The following PTCH1 variants were observed in gnomAD, a reference collection of about 807,000 sequenced individuals.
PTCH1 encodes patched 1.
In PTCH1, 14 loss-of-function variants were observed where a neutral mutation model predicts 144.6. The observed-to-expected ratio is 0.10, with a 90% CI of 0.06 to 0.15. PTCH1 has a LOEUF of 0.15. PTCH1 is among the 10% of genes least tolerant of loss of function. PTCH1 has a pLI of 1.00. For synonymous variants in PTCH1, 833 were observed against 793.6 expected (o/e 1.05, Z -0.83); for missense variants, 1,623 against 1,948.3 (o/e 0.83, Z 3.14).
At chr9:95,457,933 A>G in intron 18 of PTCH1, 80 bp downstream of exon 18, 2 of 1,568,996 alleles carry the variant, frequency 1.3e-6, no homozygotes, top group Non-Finnish European at 8.8e-7. Flanking sequence ...AGGCCCAGAC[A>G]TAAACAAAAC....
intron 8 of PTCH1, among the ~76,000 whole-genome samples, 177 bp downstream of exon 8, chr9:95,478,823 G>A (rs572398909): frequency 1.2e-4 from 19 of 152,116 alleles, no homozygotes; most frequent in Non-Finnish European, 2.5e-4. Context: ...TAGTCTTTTA[G>A]ATATTATCCC....
Position 95,447,188 on chromosome 9 carries a change from G to T in PTCH1, c.4068C>A (p.Ala1356=). 2 of 1,613,030 alleles carry T rather than the reference G, an allele frequency of 1.2e-6. No individual in the cohort carries two copies. The highest frequency in any genetic ancestry group is 1.7e-6 in the Non-Finnish European group (2 of 1,179,914). ...SHNPRNPAST[A]MGSSVPGYCQ... is the part of the protein sequence containing the mutation. Reference sequence around the variant, plus strand: ...AGTAGCCGGGCACGGAGCTGCCCATGGCAGTGGACGCTGGGTTCCGAGGGT... The same window carrying T: ...AGTAGCCGGGCACGGAGCTGCCCATTGCAGTGGACGCTGGGTTCCGAGGGT... The change falls in exon 23 of 24, where the codon GCC becomes GCA. Residue 1356 remains alanine (A), a synonymous_variant. Coordinates refer to ENST00000331920, the MANE Select transcript of PTCH1 (RefSeq NM_000264.5).
intron 15 of PTCH1, 150 bp from the exon 16 acceptor site, chr9:95,462,148 G>A (rs1329721966): frequency 2.2e-6 from 2 of 898,508 alleles, no homozygotes; most frequent in Admixed American, 1.9e-5. Flanking sequence ...CACTTTGACT[G>A]AAAGCACTGG....
At chr9:95,502,179 C>G (rs986275964) in intron 2 of PTCH1, among the ~76,000 whole-genome samples, 1 of 152,232 alleles carries the variant, frequency 6.6e-6, no homozygotes, top group African/African-American at 2.4e-5. Flanking sequence ...CCTACCCTCT[C>G]CCCTCCAGCC....
At chr9:95,501,159 T>C (rs1843124815) in intron 2 of PTCH1, among the ~76,000 whole-genome samples, 1 of 152,150 alleles carries the variant, frequency 6.6e-6, no homozygotes, top group Admixed American at 6.5e-5. Flanking sequence ...CTTTTTATCA[T>C]CTAAACCAGT....
chr9:95,510,528 A>G (rs1289402121), upstream of PTCH1, among the ~76,000 whole-genome samples: 2 of 152,114 alleles, frequency 1.3e-5, no homozygotes, highest in African/African-American at 4.8e-5. Flanking sequence ...TGTTTTCGGA[A>G]AGTGGAATGT....
intron 16 of PTCH1, 43 bp downstream of exon 16, chr9:95,461,807 GCGGCCC>G: frequency 7.4e-6 from 12 of 1,611,354 alleles, no homozygotes; most frequent in Non-Finnish European, 1.0e-5. Context: ...CACCAGGGCA[GCGGCCC>G]CGCAGCCCTG....
rs1588505774 is a variant in PTCH1, at chr9:95,445,368, T to C, written c.*1025A>G. On this transcript the variant is annotated 3_prime_UTR_variant, in exon 24 of 24. Coordinates refer to ENST00000331920, the MANE Select transcript of PTCH1 (RefSeq NM_000264.5). ...ACCATGCTGCATGCTTTTTAGAGTA[T>C]ACAGACTCTCATGGCCCAGCCAAGG... The C allele has an allele frequency of 6.6e-6, 1 of 152,140 alleles. No homozygotes were observed. 9.4% of individuals were successfully genotyped at this position (152,140 alleles called of 1,614,324 possible). A position where few individuals can be genotyped will look rare whatever the true frequency, so the allele number is the denominator to read the frequency against.
chr9:95,448,873 A>G (rs1838184984), intron 22 of PTCH1, among the ~76,000 whole-genome samples, 196 bp downstream of exon 22: 1 of 152,210 alleles, frequency 6.6e-6, no homozygotes, highest in Non-Finnish European at 1.5e-5. Context: ...ATCAAACCAC[A>G]GGAAGATGGC....
upstream of PTCH1, among the ~76,000 whole-genome samples, chr9:95,512,239 GC>G (rs2118940187): frequency 6.6e-6 from 1 of 152,268 alleles, no homozygotes; most frequent in South Asian, 2.1e-4. Context: ...AGCTTTCAGT[GC>G]CCTGAGCCCC....
At position 95,449,688 on chromosome 9, in the gene PTCH1, G is replaced by T; in HGVS notation, c.3549+153C>A. Reference sequence around the variant, plus strand: ...ACCCGCCCTCTAGCCCTCAAAGCCAGTACACCGAAGAGGAAAACAGACATG... The same window carrying T: ...ACCCGCCCTCTAGCCCTCAAAGCCATTACACCGAAGAGGAAAACAGACATG... On this transcript the variant is annotated intron_variant, in intron 21 of 23. Coordinates refer to ENST00000331920, the MANE Select transcript of PTCH1 (RefSeq NM_000264.5). The surrounding 1 kb of genome is among the most constrained non-coding windows in gnomAD (Gnocchi z 5.3). The T allele has an allele frequency of 1.2e-6, 1 of 835,046 alleles. No homozygotes were observed. The allele number at this position is 835,046 out of a possible 1,614,324, so 51.7% of individuals were successfully genotyped here.
intron 12 of PTCH1, among the ~76,000 whole-genome samples, chr9:95,471,201 A>G (rs904670961): frequency 6.6e-6 from 1 of 152,252 alleles, no homozygotes; most frequent in East Asian, 1.9e-4. Context: ...AAACCTGGCT[A>G]TAACTGCCAC....
chr9:95,509,392 A>G (rs1844021243), upstream of PTCH1, among the ~76,000 whole-genome samples: 1 of 152,162 alleles, frequency 6.6e-6, no homozygotes, highest in African/African-American at 2.4e-5. Flanking sequence ...AAACATGACT[A>G]TTATTAGCTG....
chr9:95,508,078 T>A, intron 1 of PTCH1, 83 bp downstream of exon 1: 2 of 1,585,260 alleles, frequency 1.3e-6, no homozygotes, highest in Non-Finnish European at 1.7e-6. Context: ...AGGAAGAGAG[T>A]GTGTGTGTTT....
At chr9:95,463,919 G>A (rs1031614073) in intron 15 of PTCH1, among the ~76,000 whole-genome samples, 1 of 152,194 alleles carries the variant, frequency 6.6e-6, no homozygotes, top group African/African-American at 2.4e-5. Flanking sequence ...GCAGGAGTAA[G>A]ACAAGCAGGT....
rs863224649 is a variant in PTCH1, at chr9:95,476,110, G to A, written c.1652C>T (p.Thr551Met). The change falls in exon 12 of 24, where the codon ACG (threonine) becomes ATG (methionine). Residue 551 changes from threonine (T) to methionine (M), a missense_variant. Physicochemically the swap from Thr to Met is moderately conservative, Grantham distance 81. This residue lies in a region of PTCH1 where 135 missense variants were observed against 228.7 expected (regional missense o/e 0.59). Coordinates refer to ENST00000331920, the MANE Select transcript of PTCH1 (RefSeq NM_000264.5). This position sits in a 1 kb window ranked among gnomAD's most constrained non-coding sequence, Gnocchi z 4.6. The stretch of plus-strand genomic sequence containing the variant: ...GAAGGCTGTGACATTGCTGATGGAC[G>A]TGAGGGCCACGCTGGCTCCTGTGCG... ...LKRTGASVALTSISNVTAFFM... is the reference protein window; with the variant it reads ...LKRTGASVALMSISNVTAFFM... 6.2e-7 allele frequency: 1 copy of A among 1,613,836 alleles called. No individual in the cohort carries two copies. Among genetic ancestry groups the A allele is most frequent in the Non-Finnish European group, 8.5e-7 (1 of 1,179,902 alleles).
intron 2 of PTCH1, among the ~76,000 whole-genome samples, chr9:95,496,807 A>C (rs1288710719): frequency 1.3e-5 from 2 of 152,204 alleles, no homozygotes; most frequent in African/African-American, 4.8e-5. Context: ...GGCAGCTAGG[A>C]AAAATTCTTT....
At chr9:95,498,982 G>C (rs1324470329) in intron 2 of PTCH1, among the ~76,000 whole-genome samples, 2 of 152,168 alleles carry the variant, frequency 1.3e-5, no homozygotes, top group Non-Finnish European at 2.9e-5. Flanking sequence ...GCTTTGGTGG[G>C]AGTTCTAAGC....
At position 95,508,490 on chromosome 9, in the gene PTCH1, T is replaced by TGCTCGG. The variant is rs1488436768; in HGVS notation, c.-135_-130dup. On this transcript the variant is annotated 5_prime_UTR_variant, in exon 1 of 24. Transcript: ENST00000331920. The stretch of plus-strand genomic sequence containing the variant: ...TGCGAGGACGCTGCTGGCCGCAGGC[T>TGCTCGG]GCTCGGGCTCGGGCTCCGGTTGACA... The TGCTCGG allele has an allele frequency of 3.9e-6, 4 of 1,020,308 alleles. No individual in the cohort carries two copies. Among genetic ancestry groups the TGCTCGG allele is most frequent in the South Asian group, 4.5e-5 (1 of 22,456 alleles). 63.2% of individuals were successfully genotyped at this position (1,020,308 alleles called of 1,614,324 possible). A position where few individuals can be genotyped will look rare whatever the true frequency, so the allele number is the denominator to read the frequency against.
Sources: gnomAD v4.1 joint callset for allele counts (sites outside exome capture counted in the v4.1 genomes callset) on GRCh38, gnomAD v4.1.1 for gene constraint, gnomAD v4.1.1 regional missense constraint, Gnocchi (gnomAD v3.1) non-coding constraint, MANE v1.5 for transcripts, NCBI Gene and HGNC (gene_info 2026-07-23, HGNC 2026-07-21) for gene names.